SPAG17: variants seen among roughly 807,000 people sequenced by gnomAD.
The protein encoded by SPAG17 is sperm-associated antigen 17.
Under a neutral mutation model 273.6 loss-of-function variants are expected in SPAG17, and 169 were observed. The ratio of observed to expected loss-of-function variants is 0.62; its 90% CI spans 0.55 to 0.70. SPAG17 has a LOEUF of 0.70. Ranked by LOEUF, SPAG17 falls within the 30% of genes least tolerant of loss-of-function variation. The probability of loss-of-function intolerance (pLI) is 0.00; values close to 1 mark genes in which losing one functional copy is unlikely to be tolerated. For missense variants in SPAG17, 2,557 were observed against 2,627.8 expected (o/e 0.97, Z 0.59); for synonymous variants, 825 against 873.2 (o/e 0.94, Z 0.97).
chr1:118,086,695 G>A lies in SPAG17; in HGVS notation c.1587C>T (p.His529=), dbSNP rs770618667. The part of the protein sequence containing the change: ...GPLLLNYHDA[H]AHKKYALQDQ... ...CCTGTAGTGCGTACTTCTTGTGGGCGTGTGCATCATGATAGTTCAGTAGGA... is the reference window on the plus strand; with the variant it reads ...CCTGTAGTGCGTACTTCTTGTGGGCATGTGCATCATGATAGTTCAGTAGGA... Residue 529 remains histidine (H), a synonymous_variant, in exon 12 of 49, where the codon CAC becomes CAT. Coordinates refer to ENST00000336338, the MANE Select transcript of SPAG17 (RefSeq NM_206996.4). The A allele has an allele frequency of 1.5e-5, 24 of 1,613,978 alleles. No homozygotes were observed. The highest frequency in any genetic ancestry group is 6.7e-5 in the East Asian group (3 of 44,898).
rs116551211 is a variant in SPAG17, at chr1:118,088,297, G to A, written c.1360-1289C>T. Among the ~76,000 whole-genome samples, 1,000 of 152,142 alleles carry A rather than the reference G, an allele frequency of 6.6e-3. 11 individuals are homozygous for A. The highest frequency in any genetic ancestry group is 0.023 in the African/African-American group (948 of 41,502). On this transcript the variant is annotated intron_variant, in intron 10 of 48. Coordinates refer to ENST00000336338, the MANE Select transcript of SPAG17 (RefSeq NM_206996.4). ...GGTTGACTTCTATTTGTTAGGCGCC[G>A]AGCTCATTAACTGTCTTCTTTGGTA...
intron 1 of SPAG17, among the ~76,000 whole-genome samples, chr1:118,160,964 T>C (rs1053223993): frequency 1.3e-5 from 2 of 152,182 alleles, no homozygotes; most frequent in Admixed American, 6.5e-5. Context: ...AGAAAAACTA[T>C]GAGACTGTAA....
Position 118,086,800 on chromosome 1 carries a change from CAA to C in SPAG17, c.1498-18_1498-17del. ...CATGAAGATTCTATGCAAATTGAAA[CAA>C]TATTGATTTAAAGAGAGGATCTATA... On this transcript the variant is annotated splice_polypyrimidine_tract_variant and intron_variant, in intron 11 of 48. Transcript: ENST00000336338. 6.2e-7 allele frequency: 1 copy of C among 1,613,966 alleles called. No individual in the cohort carries two copies. The highest frequency in any genetic ancestry group is 8.5e-7 in the Non-Finnish European group (1 of 1,179,908).
intron 1 of SPAG17, among the ~76,000 whole-genome samples, chr1:118,183,945 C>CA (rs1171871808): frequency 2.0e-5 from 3 of 152,196 alleles, no homozygotes; most frequent in African/African-American, 7.2e-5. Flanking sequence ...ACTGAGTTGA[C>CA]ATCCAGCATT....
At chr1:118,006,003 G>A (rs947548432) in intron 31 of SPAG17, among the ~76,000 whole-genome samples, 14 of 152,104 alleles carry the variant, frequency 9.2e-5, no homozygotes, top group African/African-American at 2.9e-4. Flanking sequence ...AAAACTGTGC[G>A]ATAAGTGCTC....
At chr1:118,105,839 T>TA (rs1656363337) in intron 4 of SPAG17, among the ~76,000 whole-genome samples, 3 of 125,234 alleles carry the variant, frequency 2.4e-5, no homozygotes, top group Admixed American at 7.8e-5. Context: ...TACTCAGTAA[T>TA]AAAAAACATC....
In SPAG17 at chr1:118,036,875, C is replaced by A. The variant is rs1649151789; in HGVS notation, c.3328G>T (p.Asp1110Tyr). The change falls in exon 24 of 49, where the codon GAT becomes TAT. Residue 1110 changes from aspartate to tyrosine, a missense_variant. Transcript: ENST00000336338. ...TTGCTGAAAGCTTTATTCTTTGCAT[C>A]TGATACTTCTAAAATACAAAATCGA... is the stretch of plus-strand genomic sequence containing the variant. ...EEQSLETEVS[D>Y]AKNKAFSKFG... 6.5e-7 allele frequency: 1 copy of A among 1,550,152 alleles called. No individual in the cohort carries two copies. Among genetic ancestry groups the A allele is most frequent in the African/African-American group, 1.4e-5 (1 of 73,238 alleles).
intron 43 of SPAG17, among the ~76,000 whole-genome samples, chr1:117,979,480 C>T (rs1316033878): frequency 6.6e-6 from 1 of 152,160 alleles, no homozygotes; most frequent in Non-Finnish European, 1.5e-5. Flanking sequence ...CCCAGGTCTT[C>T]AGCAACTCTC....
intron 17 of SPAG17, among the ~76,000 whole-genome samples, chr1:118,067,866 T>C (rs1487435619): frequency 1.3e-5 from 2 of 152,240 alleles, no homozygotes; most frequent in East Asian, 3.9e-4. Context: ...TGAAGTGAAG[T>C]GAGTGGTCTT....
At chr1:118,025,482 C>T in intron 26 of SPAG17, 66 bp from the exon 27 acceptor site, 1 of 1,141,528 alleles carries the variant, frequency 8.8e-7, no homozygotes, top group South Asian at 2.0e-5. Context: ...TATCATCTTG[C>T]TTAATTATTT....
chr1:117,980,485 G>A (rs1245260694), intron 43 of SPAG17, among the ~76,000 whole-genome samples: 1 of 152,160 alleles, frequency 6.6e-6, no homozygotes. Flanking sequence ...GCCCACCTCA[G>A]CCTCTTAAAG....
intron 3 of SPAG17, among the ~76,000 whole-genome samples, chr1:118,125,245 A>ATAAATATTTT (rs146004766): frequency 6.6e-6 from 1 of 150,750 alleles, no homozygotes; most frequent in Non-Finnish European, 1.5e-5. Context: ...ATATATATAT[A>ATAAATATTTT]TTTTTGACAT....
intron 4 of SPAG17, among the ~76,000 whole-genome samples, chr1:118,111,453 C>A (rs1342709669): frequency 6.6e-6 from 1 of 151,594 alleles, no homozygotes; most frequent in East Asian, 1.9e-4. Flanking sequence ...TTTCTCTGTT[C>A]GATTTCTTAA....
At chr1:118,021,731 A>G (rs1660514428) in intron 28 of SPAG17, among the ~76,000 whole-genome samples, 1 of 152,176 alleles carries the variant, frequency 6.6e-6, no homozygotes, top group Admixed American at 6.6e-5. Flanking sequence ...TGAGTGCATC[A>G]TCTTGGATGG....
intron 45 of SPAG17, among the ~76,000 whole-genome samples, chr1:117,970,907 C>T (rs971721834): frequency 8.5e-5 from 13 of 152,132 alleles, no homozygotes; most frequent in African/African-American, 3.1e-4. Context: ...TGGCAACAAC[C>T]TAAAAAACAA....
chr1:118,027,206 A>C (rs906291718), intron 26 of SPAG17, among the ~76,000 whole-genome samples: 2 of 152,220 alleles, frequency 1.3e-5, no homozygotes, highest in Non-Finnish European at 2.9e-5. Flanking sequence ...CATGCAGCAC[A>C]GTGGGAAAAC....
chr1:118,071,942 A>C (rs1432560788), intron 17 of SPAG17, among the ~76,000 whole-genome samples: 1 of 152,184 alleles, frequency 6.6e-6, no homozygotes, highest in Non-Finnish European at 1.5e-5. Flanking sequence ...CAAAATATAA[A>C]TACAGGAATT....
chr1:117,972,453 G>A (rs145233022), intron 44 of SPAG17, among the ~76,000 whole-genome samples: 1 of 152,274 alleles, frequency 6.6e-6, no homozygotes, highest in East Asian at 1.9e-4. Flanking sequence ...TCGGGGGCAG[G>A]GCCCAAGAAT....
chr1:118,132,502 T>G (rs1160234389), intron 3 of SPAG17, among the ~76,000 whole-genome samples: 2 of 152,200 alleles, frequency 1.3e-5, no homozygotes, highest in African/African-American at 4.8e-5. Flanking sequence ...AACCCCAGGC[T>G]TTATTAGATA....
Sources: allele counts gnomAD v4.1 joint callset (sites outside exome capture counted in the v4.1 genomes callset), GRCh38; gene constraint gnomAD v4.1.1; transcripts MANE v1.5; gene names NCBI Gene and HGNC (gene_info 2026-07-23, HGNC 2026-07-21).